The following NKAIN3 variants were observed in gnomAD, a reference collection of about 807,000 sequenced individuals.
NKAIN3 encodes the protein sodium/potassium-transporting ATPase subunit beta-1-interacting protein 3.
In NKAIN3, 25 loss-of-function variants were observed where a neutral mutation model predicts 30.2. The ratio of observed to expected loss-of-function variants is 0.83; its 90% CI spans 0.60 to 1.16. The LOEUF is 1.16. Ranked by LOEUF, NKAIN3 falls within the 50% of genes most tolerant of loss-of-function variation. The pLI, the probability that NKAIN3 is intolerant of heterozygous loss-of-function variation, is 0.00. For synonymous variants in NKAIN3, 91 were observed against 89.6 expected (o/e 1.02, Z -0.09); for missense variants, 225 against 254.1 (o/e 0.89, Z 0.78).
At chr8:62,850,867 T>C (rs940955013) in intron 4 of NKAIN3, among the ~76,000 whole-genome samples, 3 of 152,132 alleles carry the variant, frequency 2.0e-5, no homozygotes, top group Non-Finnish European at 2.9e-5. Context: ...AGCCTTGTAG[T>C]ATAGTTTGAA....
chr8:62,626,944 A>G (rs771859339), intron 3 of NKAIN3, among the ~76,000 whole-genome samples: 1 of 152,096 alleles, frequency 6.6e-6, no homozygotes, highest in Non-Finnish European at 1.5e-5. Flanking sequence ...TTTTAAAGGC[A>G]TTTTCCAAAT....
At chr8:62,812,282 T>C (rs566656656) in intron 4 of NKAIN3, among the ~76,000 whole-genome samples, 150 of 152,036 alleles carry the variant, frequency 9.9e-4, no homozygotes, top group Non-Finnish European at 1.3e-3. Flanking sequence ...CTTTCCACTT[T>C]ATTTTTTTGG....
At chr8:62,844,875 C>T (rs1163562711) in intron 4 of NKAIN3, among the ~76,000 whole-genome samples, 1 of 152,048 alleles carries the variant, frequency 6.6e-6, no homozygotes, top group African/African-American at 2.4e-5. Flanking sequence ...CGACTAACCA[C>T]AGCATCACCA....
intron 4 of NKAIN3, among the ~76,000 whole-genome samples, chr8:62,842,118 C>G (rs1038504413): frequency 2.6e-5 from 4 of 152,048 alleles, no homozygotes; most frequent in Admixed American, 1.3e-4. Flanking sequence ...AGTGTTTGTT[C>G]AGGTCCTTTG....
chr8:62,344,747 T>G (rs1459969583), intron 1 of NKAIN3: 2 of 315,310 alleles, frequency 6.3e-6, no homozygotes, highest in Non-Finnish European at 1.2e-5. Context: ...TACTCCAGTT[T>G]GCTACACACT....
intron 3 of NKAIN3, among the ~76,000 whole-genome samples, chr8:62,629,044 C>T (rs1025493951): frequency 1.3e-5 from 2 of 152,076 alleles, no homozygotes; most frequent in Non-Finnish European, 2.9e-5. Context: ...TAAACATTTT[C>T]TCCCTCCTAA....
intron 4 of NKAIN3, among the ~76,000 whole-genome samples, chr8:62,889,294 T>G (rs1821232369): frequency 6.6e-6 from 1 of 151,912 alleles, no homozygotes; most frequent in Non-Finnish European, 1.5e-5. Flanking sequence ...TGCTTGAACC[T>G]GGGAGGCGGA....
intron 5 of NKAIN3, among the ~76,000 whole-genome samples, chr8:62,993,854 A>G (rs1015857692): frequency 6.6e-6 from 1 of 152,224 alleles, no homozygotes; most frequent in Admixed American, 6.5e-5. Flanking sequence ...TCTCATTGAG[A>G]TAATTTCTGC....
rs1368804998 is a variant in NKAIN3, at chr8:62,805,229, A to T, written c.471+58100A>T. 2.0e-5 allele frequency among the ~76,000 whole-genome samples: 3 copies of T among 151,954 alleles called. No individual in the cohort carries two copies. The East Asian group carries it at 5.8e-4, about 29-fold the overall frequency. ...ATCGTGAAAATGGCCATACTGCCCAAGGTAATTTAGAGATTCAATGCCATC... is the reference window on the plus strand; with the variant it reads ...ATCGTGAAAATGGCCATACTGCCCATGGTAATTTAGAGATTCAATGCCATC... On this transcript the variant is annotated intron_variant, in intron 4 of 6. Transcript: ENST00000623646.
At chr8:62,797,315 A>G (rs1236851400) in intron 4 of NKAIN3, among the ~76,000 whole-genome samples, 1 of 152,250 alleles carries the variant, frequency 6.6e-6, no homozygotes, top group East Asian at 1.9e-4. Flanking sequence ...AAATCCACAT[A>G]ATAGACTCCT....
At chr8:62,540,428 A>T (rs771673991) in intron 1 of NKAIN3, among the ~76,000 whole-genome samples, 4 of 152,224 alleles carry the variant, frequency 2.6e-5, no homozygotes, top group Non-Finnish European at 5.9e-5. Context: ...TGTAAGAACT[A>T]TTCATAAGTG....
At chr8:62,792,796 G>A (rs1341180082) in intron 4 of NKAIN3, among the ~76,000 whole-genome samples, 3 of 152,080 alleles carry the variant, frequency 2.0e-5, no homozygotes, top group African/African-American at 7.2e-5. Flanking sequence ...TCCAGTGAAG[G>A]GGGAACAGCA....
intron 5 of NKAIN3, among the ~76,000 whole-genome samples, chr8:62,932,194 C>A (rs530550432): frequency 9.2e-5 from 14 of 152,252 alleles, no homozygotes; most frequent in Admixed American, 7.9e-4. Context: ...ACTTAAATAG[C>A]TAATTTTTCA....
chr8:62,256,016 C>G (rs1030967942), intron 1 of NKAIN3, among the ~76,000 whole-genome samples: 4 of 152,146 alleles, frequency 2.6e-5, no homozygotes, highest in Non-Finnish European at 4.4e-5. Context: ...AGAGGAAAGA[C>G]TGTGGATACT....
intron 4 of NKAIN3, among the ~76,000 whole-genome samples, chr8:62,844,602 G>A (rs73258734): frequency 2.0e-5 from 3 of 152,090 alleles, no homozygotes; most frequent in Non-Finnish European, 4.4e-5. Flanking sequence ...TTACTTCAAC[G>A]TTAACAGATA....
intron 3 of NKAIN3, among the ~76,000 whole-genome samples, chr8:62,591,994 T>C (rs1354058756): frequency 6.6e-6 from 1 of 152,018 alleles, no homozygotes; most frequent in African/African-American, 2.4e-5. Flanking sequence ...TTCATGAAGA[T>C]ACTTCTTGGA....
Position 62,355,748 on chromosome 8 carries a change from T to C in NKAIN3, c.54+106621T>C, listed in dbSNP as rs563207720. Among the ~76,000 whole-genome samples, 24 of 152,320 alleles carry C rather than the reference T, an allele frequency of 1.6e-4. 1 individual carries two copies. The highest frequency in any genetic ancestry group is 2.9e-4 in the Non-Finnish European group (20 of 68,028). ...TCCTGAAAAAGTGTTACTCAAATTC[T>C]ACACATGCATTTGCGACATTTAGAG... On this transcript the variant is annotated intron_variant, in intron 1 of 6. Transcript: ENST00000623646.
intron 4 of NKAIN3, among the ~76,000 whole-genome samples, chr8:62,763,761 G>A (rs1816747432): frequency 6.6e-6 from 1 of 152,200 alleles, no homozygotes; most frequent in Non-Finnish European, 1.5e-5. Context: ...AAAGAAATAT[G>A]AAAAGCAGCT....
chr8:62,816,574 C>T (rs1379467026), intron 4 of NKAIN3, among the ~76,000 whole-genome samples: 1 of 152,116 alleles, frequency 6.6e-6, no homozygotes. Flanking sequence ...TACATTAGCT[C>T]CTTCTGCTCT....
Sources: gnomAD v4.1 joint callset for allele counts (sites outside exome capture counted in the v4.1 genomes callset) on GRCh38, gnomAD v4.1.1 for gene constraint, MANE v1.5 for transcripts, NCBI Gene and HGNC (gene_info 2026-07-23, HGNC 2026-07-21) for gene names.